Variants in FANCL observed in about 807,000 individuals in gnomAD.
FANCL encodes the protein E3 ubiquitin-protein ligase FANCL.
A neutral mutation model predicts 59.4 loss-of-function variants in FANCL; 69 were observed. That is an observed-to-expected ratio of 1.16 (90% CI 0.96 to 1.42). The LOEUF is 1.42. Ranked by LOEUF, FANCL falls within the 40% of genes most tolerant of loss-of-function variation. FANCL has a pLI of 0.00. For synonymous variants in FANCL, 180 were observed against 147.1 expected (o/e 1.22, Z -1.62); for missense variants, 519 against 447.2 (o/e 1.16, Z -1.45).
intron 5 of FANCL, among the ~76,000 whole-genome samples, chr2:58,208,359 C>T (rs1487994108): frequency 6.6e-6 from 1 of 152,096 alleles, no homozygotes; most frequent in African/African-American, 2.4e-5. Context: ...ACTTTTGGCA[C>T]TCCACTTTGT....
At position 58,239,185 on chromosome 2, in the gene FANCL, T is replaced by C. The variant is rs531360519; in HGVS notation, c.96+2033A>G. 5.9e-5 allele frequency among the ~76,000 whole-genome samples: 9 copies of C among 152,320 alleles called. No homozygotes were observed. In the South Asian group the frequency reaches 1.9e-3, roughly 32 times the overall value. ...AAACCAGAGAATGTGTGTGAAAGTT[T>C]GATGCCTCAGAGTACCTCCCCAAAA... On this transcript the variant is annotated intron_variant, in intron 1 of 13. Coordinates refer to ENST00000233741, the MANE Select transcript of FANCL (RefSeq NM_018062.4).
At chr2:58,213,197 A>AT (rs146584635) in intron 5 of FANCL, among the ~76,000 whole-genome samples, 3,162 of 152,296 alleles carry the variant, frequency 0.021, 119 homozygotes, top group African/African-American at 0.072. Context: ...ATTTAAATCA[A>AT]TCTGTCATGC....
intron 1 of FANCL, 56 bp downstream of exon 1, chr2:58,241,162 G>A: frequency 1.9e-6 from 3 of 1,574,762 alleles, no homozygotes; most frequent in Non-Finnish European, 2.6e-6. Flanking sequence ...AGACTTCTCC[G>A]CGCAGCTACG....
At chr2:58,232,445 A>G (rs1693673896) in intron 1 of FANCL, among the ~76,000 whole-genome samples, 1 of 152,090 alleles carries the variant, frequency 6.6e-6, no homozygotes, top group African/African-American at 2.4e-5. Flanking sequence ...GTTATTTCTT[A>G]GTAAATAAAT....
intron 4 of FANCL, among the ~76,000 whole-genome samples, chr2:58,223,550 T>C (rs1692690863): frequency 6.6e-6 from 1 of 151,998 alleles, no homozygotes. Context: ...TTACTCCTAC[T>C]GTAGAACCGT....
rs77274446 is a variant in FANCL at position 58,218,347 on chromosome 2, G to A, written c.374+3595C>T. Among the ~76,000 whole-genome samples the A allele has an allele frequency of 8.5e-3, 1,290 of 151,786 alleles. 12 individuals carry two copies. Among genetic ancestry groups the A allele is most frequent in the Non-Finnish European group, 0.013 (894 of 67,886 alleles). On this transcript the variant is annotated intron_variant, in intron 5 of 13. Coordinates refer to ENST00000233741, the MANE Select transcript of FANCL (RefSeq NM_018062.4). ...ATATACAACAGAGAAAATTAACAAC[G>A]CTAAAAGTTGGGTCTTTGAAAAAAC...
At chr2:58,175,032 A>C (rs1187206034) in intron 7 of FANCL, among the ~76,000 whole-genome samples, 4 of 152,006 alleles carry the variant, frequency 2.6e-5, no homozygotes, top group Admixed American at 2.6e-4. Context: ...TAGAAAATCT[A>C]GAAGAAATGG....
intron 5 of FANCL, among the ~76,000 whole-genome samples, chr2:58,213,214 T>C (rs1691353222): frequency 6.6e-6 from 1 of 152,206 alleles, no homozygotes; most frequent in Non-Finnish European, 1.5e-5. Flanking sequence ...ATGCAAATCA[T>C]TGTGTGTGTC....
intron 5 of FANCL, among the ~76,000 whole-genome samples, chr2:58,215,369 T>C (rs775616604): frequency 6.6e-6 from 1 of 152,182 alleles, no homozygotes; most frequent in Non-Finnish European, 1.5e-5. Flanking sequence ...TGAATAAATA[T>C]CAACCAGTCC....
At chr2:58,237,671 C>G (rs139316425) in intron 1 of FANCL, among the ~76,000 whole-genome samples, 1 of 151,784 alleles carries the variant, frequency 6.6e-6, no homozygotes, top group Non-Finnish European at 1.5e-5. Flanking sequence ...CTAGATGTAT[C>G]GGGGGAAAAA....
intron 6 of FANCL, among the ~76,000 whole-genome samples, chr2:58,199,605 G>A (rs1689793420): frequency 6.6e-6 from 1 of 152,032 alleles, no homozygotes; most frequent in African/African-American, 2.4e-5. Flanking sequence ...TATAAAAACT[G>A]GCAGTCATGA....
intron 5 of FANCL, among the ~76,000 whole-genome samples, chr2:58,217,192 A>G (rs1405257244): frequency 2.2e-4 from 1 of 4,644 alleles, no homozygotes; most frequent in African/African-American, 1.4e-3. Flanking sequence ...ATATATATAT[A>G]TATATATATA....
intron 5 of FANCL, among the ~76,000 whole-genome samples, chr2:58,209,415 C>T (rs142725516): frequency 7.9e-5 from 12 of 151,958 alleles, no homozygotes; most frequent in Non-Finnish European, 1.5e-4. Flanking sequence ...TGCAGTTATT[C>T]AATGACATGG....
rs1301366425 is a variant in FANCL, at chr2:58,159,475, A to G, written c.*290T>C. The G allele has an allele frequency of 1.9e-6, 3 of 1,613,624 alleles. No homozygotes were observed. Among genetic ancestry groups the G allele is most frequent in the Admixed American group, 3.3e-5 (2 of 59,952 alleles). On this transcript the variant is annotated 3_prime_UTR_variant, in exon 14 of 14. Coordinates refer to ENST00000233741, the MANE Select transcript of FANCL (RefSeq NM_018062.4). The stretch of plus-strand genomic sequence containing the variant: ...ATTTTATGAGCCTCATCAAGATTTT[A>G]CCAGTCCAGATATATTCAAGAAGTC...
chr2:58,199,283 C>G (rs528977744), intron 6 of FANCL, among the ~76,000 whole-genome samples: 1 of 152,014 alleles, frequency 6.6e-6, no homozygotes, highest in African/African-American at 2.4e-5. Flanking sequence ...CAAACTGGAT[C>G]TCTGTTTATC....
chr2:58,203,272 G>C (rs1221546585), intron 6 of FANCL, among the ~76,000 whole-genome samples: 4 of 151,650 alleles, frequency 2.6e-5, no homozygotes, highest in Non-Finnish European at 5.9e-5. Flanking sequence ...GTGTCATCCA[G>C]TACAGCTTTA....
intron 4 of FANCL, 40 bp downstream of exon 4, chr2:58,226,688 G>C: frequency 7.0e-7 from 1 of 1,431,570 alleles, no homozygotes; most frequent in Non-Finnish European, 9.8e-7. Flanking sequence ...ATCAAGACTT[G>C]CAGTATGGTA....
chr2:58,229,472 GCCACAGATATC>G (rs1422558739), intron 3 of FANCL, among the ~76,000 whole-genome samples: 1 of 151,996 alleles, frequency 6.6e-6, no homozygotes, highest in African/African-American at 2.4e-5. Flanking sequence ...TCCCATTTTT[GCCACAGATATC>G]CCACAGCTCT....
intron 7 of FANCL, among the ~76,000 whole-genome samples, chr2:58,179,948 G>A (rs1202137333): frequency 1.3e-5 from 2 of 152,138 alleles, no homozygotes; most frequent in Admixed American, 6.5e-5. Flanking sequence ...ACACATTTAT[G>A]CGGCCAACAA....
Sources: allele counts gnomAD v4.1 joint callset (sites outside exome capture counted in the v4.1 genomes callset), GRCh38; gene constraint gnomAD v4.1.1; transcripts MANE v1.5; gene names NCBI Gene and HGNC (gene_info 2026-07-23, HGNC 2026-07-21).